The following ADAD1 variants were observed in gnomAD, a reference collection of about 807,000 sequenced individuals.
ADAD1 encodes adenosine deaminase domain containing 1.
ADAD1 carries 46 observed loss-of-function variants against 66.8 expected under a neutral mutation model. The ratio of observed to expected loss-of-function variants is 0.69; its 90% CI spans 0.54 to 0.88. The LOEUF is 0.88. Ranked by LOEUF, ADAD1 falls within the 40% of genes least tolerant of loss-of-function variation. The pLI is 0.00. For synonymous variants in ADAD1, 248 were observed against 229.4 expected, an observed-to-expected ratio of 1.08 and a Z score of -0.73; for missense variants, 617 against 681.8, an observed-to-expected ratio of 0.91 and a Z score of 1.06.
intron 7 of ADAD1, among the ~76,000 whole-genome samples, chr4:122,405,246 T>G (rs900726746): frequency 3.3e-5 from 5 of 152,198 alleles, no homozygotes; most frequent in African/African-American, 4.8e-5. Context: ...TTCAGTATTC[T>G]GGAAAGCCTG....
At position 122,394,047 on chromosome 4, in the gene ADAD1, C is replaced by T. The variant is rs116460389; in HGVS notation, c.598+390C>T. On this transcript the variant is annotated intron_variant, in intron 6 of 12. Coordinates refer to ENST00000296513, the MANE Select transcript of ADAD1 (RefSeq NM_139243.4). Reference sequence around the variant, plus strand: ...ATGACCATTATTTGTCACTCAAGCCCGAGAAAGCTGCAACTTCAATTGAAG... The same window carrying T: ...ATGACCATTATTTGTCACTCAAGCCTGAGAAAGCTGCAACTTCAATTGAAG... Among the ~76,000 whole-genome samples, 551 of 152,074 alleles carry T rather than the reference C, an allele frequency of 3.6e-3. 2 individuals are homozygous for T. Among genetic ancestry groups the T allele is most frequent in the African/African-American group, 0.013 (524 of 41,488 alleles).
chr4:122,380,240 G>T lies in ADAD1; in HGVS notation c.171G>T (p.Thr57=), dbSNP rs373906340. ...SKMASKVTQV[T]GNFPEPLLSK... is the part of the protein sequence containing the mutation. ...TGGCATCCAAGGTTACGCAAGTAACGGGTACGACTTTTTTCATTTGTAACA... is the reference window on the plus strand; with the variant it reads ...TGGCATCCAAGGTTACGCAAGTAACTGGTACGACTTTTTTCATTTGTAACA... Residue 57 remains threonine, a splice_region_variant and synonymous_variant, in exon 3 of 13, where the codon ACG becomes ACT. Coordinates refer to ENST00000296513, the MANE Select transcript of ADAD1 (RefSeq NM_139243.4). 3.7e-6 allele frequency: 6 copies of T among 1,602,758 alleles called. No individual in the cohort carries two copies. The African/African-American group carries it at 4.0e-5, about 11-fold the overall frequency.
At chr4:122,402,375 A>G (rs911349866) in intron 7 of ADAD1, among the ~76,000 whole-genome samples, 1 of 152,126 alleles carries the variant, frequency 6.6e-6, no homozygotes, top group Admixed American at 6.5e-5. Context: ...TGTAAATCTG[A>G]TAGGTTTTCC....
At chr4:122,402,162 C>T (rs1400694186) in intron 7 of ADAD1, among the ~76,000 whole-genome samples, 1 of 151,792 alleles carries the variant, frequency 6.6e-6, no homozygotes, top group African/African-American at 2.4e-5. Flanking sequence ...ATTCATAAGT[C>T]CTTTTAGCAT....
chr4:122,385,255 G>GT (rs879692952), intron 5 of ADAD1, among the ~76,000 whole-genome samples: 75 of 151,874 alleles, frequency 4.9e-4, no homozygotes, highest in Non-Finnish European at 7.8e-4. Flanking sequence ...TTTGCACATG[G>GT]TTTTTTTATG....
chr4:122,415,865 G>A (rs1434987308), intron 11 of ADAD1, among the ~76,000 whole-genome samples: 2 of 151,984 alleles, frequency 1.3e-5, no homozygotes, highest in African/African-American at 4.8e-5. Flanking sequence ...ATACTAAATG[G>A]CAGAGTCACC....
At position 122,383,074 on chromosome 4, in the gene ADAD1, A is replaced by G. The variant is rs116110710; in HGVS notation, c.362-725A>G. On this transcript the variant is annotated intron_variant, in intron 4 of 12. Coordinates refer to ENST00000296513, the MANE Select transcript of ADAD1 (RefSeq NM_139243.4). ...ACTAACAAGCAAAACCTCAAACAGA[A>G]GAATCTTTGACCTGTAAATACGGGA... is the stretch of plus-strand genomic sequence containing the variant. Among the ~76,000 whole-genome samples the G allele has an allele frequency of 6.1e-3, 933 of 152,330 alleles. 6 individuals are homozygous for G. Among genetic ancestry groups the G allele is most frequent in the Non-Finnish European group, 0.01 (699 of 68,030 alleles).
intron 5 of ADAD1, among the ~76,000 whole-genome samples, chr4:122,384,717 A>G (rs1285106684): frequency 1.3e-5 from 2 of 152,212 alleles, no homozygotes; most frequent in Non-Finnish European, 2.9e-5. Context: ...AATAGCTTTC[A>G]GAATGTTTAT....
intron 10 of ADAD1, among the ~76,000 whole-genome samples, chr4:122,413,313 A>G (rs879276712): frequency 6.6e-6 from 1 of 152,148 alleles, no homozygotes; most frequent in Admixed American, 6.6e-5. Context: ...TGTTCTGTAG[A>G]TAATCATTTT....
chr4:122,398,034 T>G (rs1004458039), intron 7 of ADAD1, among the ~76,000 whole-genome samples: 6 of 152,092 alleles, frequency 3.9e-5, no homozygotes, highest in Admixed American at 3.3e-4. Context: ...ATGGGTGGTG[T>G]TTGGTTATAG....
intron 5 of ADAD1, among the ~76,000 whole-genome samples, chr4:122,392,671 C>A (rs1003143669): frequency 3.9e-5 from 6 of 152,092 alleles, no homozygotes; most frequent in African/African-American, 1.4e-4. Context: ...ATTTAACAAA[C>A]CTACACATGT....
At chr4:122,386,550 T>A (rs1315176762) in intron 5 of ADAD1, among the ~76,000 whole-genome samples, 1 of 152,242 alleles carries the variant, frequency 6.6e-6, no homozygotes, top group Non-Finnish European at 1.5e-5. Flanking sequence ...TTAGATCACA[T>A]TTGTCAATTT....
chr4:122,429,026 G>A (rs570338827), intron 12 of ADAD1, among the ~76,000 whole-genome samples: 228 of 151,818 alleles, frequency 1.5e-3, no homozygotes, highest in African/African-American at 5.2e-3. Flanking sequence ...TGCCACCATC[G>A]AGTTTTGTGA....
chr4:122,387,960 C>T (rs1033987470), intron 5 of ADAD1, among the ~76,000 whole-genome samples: 5 of 151,972 alleles, frequency 3.3e-5, no homozygotes, highest in Admixed American at 1.3e-4. Context: ...AGGGTTTTAC[C>T]GTGTTAGCCA....
chr4:122,415,690 G>T, intron 11 of ADAD1, 74 bp downstream of exon 11: 3 of 1,235,200 alleles, frequency 2.4e-6, no homozygotes, highest in Non-Finnish European at 3.5e-6. Flanking sequence ...TTTTTATTCT[G>T]ACTCTTTTGG....
In ADAD1 at chr4:122,379,919, G is replaced by C. The variant is rs1051444421; in HGVS notation, c.-8-143G>C. ...AACTCAAAAAGCAGTCGTGAGATCAGTTCAAGAGGGATTTGACTCTAGTCA... is the reference window on the plus strand; with the variant it reads ...AACTCAAAAAGCAGTCGTGAGATCACTTCAAGAGGGATTTGACTCTAGTCA... On this transcript the variant is annotated intron_variant, in intron 2 of 12. Coordinates refer to ENST00000296513, the MANE Select transcript of ADAD1 (RefSeq NM_139243.4). 14 of 791,236 alleles carry C rather than the reference G, an allele frequency of 1.8e-5. No individual in the cohort carries two copies. The African/African-American group carries it at 2.3e-4, about 13-fold the overall frequency. The allele number at this position is 791,236 out of a possible 1,614,324, so 49.0% of individuals were successfully genotyped here. A position where few individuals can be genotyped will look rare whatever the true frequency, so the allele number is the denominator to read the frequency against.
chr4:122,412,576 C>T lies in ADAD1; in HGVS notation c.1020-4C>T, dbSNP rs771551526. 8 of 1,612,002 alleles carry T rather than the reference C, an allele frequency of 5.0e-6. No individual in the cohort carries two copies. In the East Asian group the frequency reaches 1.8e-4, roughly 36 times the overall value. On this transcript the variant is annotated splice_polypyrimidine_tract_variant and splice_region_variant and intron_variant, in intron 9 of 12. Coordinates refer to ENST00000296513, the MANE Select transcript of ADAD1 (RefSeq NM_139243.4). ...AAGGAAGAAACTTTCTTTTCTTTCTCTAGACGTCTTAATCCACATTCTATA... is the reference window on the plus strand; with the variant it reads ...AAGGAAGAAACTTTCTTTTCTTTCTTTAGACGTCTTAATCCACATTCTATA...
intron 12 of ADAD1, among the ~76,000 whole-genome samples, chr4:122,422,510 A>T (rs1291837795): frequency 1.3e-5 from 2 of 152,334 alleles, no homozygotes; most frequent in South Asian, 2.1e-4. Context: ...ATACAGCATT[A>T]TATGAAAGTC....
chr4:122,412,901 G>A, intron 10 of ADAD1, 92 bp downstream of exon 10: 1 of 1,071,872 alleles, frequency 9.3e-7, no homozygotes, highest in Non-Finnish European at 1.4e-6. Flanking sequence ...TTTAGTTTTT[G>A]CATACGTGAA....
Sources: allele counts gnomAD v4.1 joint callset (sites outside exome capture counted in the v4.1 genomes callset), GRCh38; gene constraint gnomAD v4.1.1; transcripts MANE v1.5; gene names NCBI Gene and HGNC (gene_info 2026-07-23, HGNC 2026-07-21).